PRIM2: variants seen among roughly 807,000 people sequenced by gnomAD.
PRIM2 encodes the protein DNA primase large subunit.
A neutral mutation model predicts 67.3 loss-of-function variants in PRIM2; 39 were observed. The ratio of observed to expected loss-of-function variants is 0.58; its 90% CI spans 0.45 to 0.76. The LOEUF (loss-of-function observed/expected upper bound fraction) is 0.76, where lower values mean the gene tolerates loss of function less well. Ranked by LOEUF, PRIM2 falls within the 30% of genes least tolerant of loss-of-function variation. The pLI is 0.00. For synonymous variants in PRIM2, 143 were observed against 198.7 expected, an observed-to-expected ratio of 0.72 and a Z score of 2.36; for missense variants, 398 against 598.7, an observed-to-expected ratio of 0.66 and a Z score of 3.50.
the PRIM2 span, among the ~76,000 whole-genome samples, chr6:57,245,449 G>A: frequency 2.6e-5 from 4 of 152,108 alleles, no homozygotes; most frequent in African/African-American, 4.8e-5. Flanking sequence ...CAGTAAACTC[G>A]CAAGGTAGCC....
chr6:57,598,274 C>G (rs1390750534), intron 10 of PRIM2, among the ~76,000 whole-genome samples: 10 of 152,166 alleles, frequency 6.6e-5, no homozygotes, highest in Non-Finnish European at 1.3e-4. Context: ...ATAAAAGTGG[C>G]AACGTTTGTC....
At chr6:57,365,992 G>A (rs7760100) in intron 5 of PRIM2, among the ~76,000 whole-genome samples, 4,922 of 146,860 alleles carry the variant, frequency 0.034, 295 homozygotes, top group African/African-American at 0.12. Flanking sequence ...GAATATAATC[G>A]TTATGACACA....
At position 57,600,904 on chromosome 6, in the gene PRIM2, T is replaced by A. The variant is rs1269283603; in HGVS notation, c.1021-189T>A. On this transcript the variant is annotated intron_variant, in intron 10 of 13. Coordinates refer to ENST00000615550, the MANE Select transcript of PRIM2 (RefSeq NM_000947.5). ...TTTCTGTAAGTTTTGTACCTTTTTT[T>A]AAAAAAGAAATTATTTGTATCATAA... Among the ~76,000 whole-genome samples the A allele has an allele frequency of 1.4e-3, 218 of 152,280 alleles. 5 individuals carry two copies. In the East Asian group the frequency reaches 0.019, roughly 13 times the overall value.
intron 7 of PRIM2, among the ~76,000 whole-genome samples, chr6:57,395,293 G>T (rs979252254): frequency 2.0e-5 from 3 of 152,080 alleles, no homozygotes; most frequent in Non-Finnish European, 4.4e-5. Flanking sequence ...TCTGGTCCTG[G>T]ACTTTTTGTT....
At chr6:57,410,094 G>C (rs12181316) in intron 7 of PRIM2, among the ~76,000 whole-genome samples, 1 of 152,006 alleles carries the variant, frequency 6.6e-6, no homozygotes, top group African/African-American at 2.4e-5. Flanking sequence ...CCAGGTGGGT[G>C]GATCACATGA....
chr6:57,251,012 G>A, the PRIM2 span, among the ~76,000 whole-genome samples: 3 of 152,100 alleles, frequency 2.0e-5, no homozygotes, highest in African/African-American at 4.8e-5. Context: ...CTTGTCCCAA[G>A]CATTTCAAAT....
At chr6:57,454,384 C>G (rs1161287750) in intron 7 of PRIM2, among the ~76,000 whole-genome samples, 1 of 152,154 alleles carries the variant, frequency 6.6e-6, no homozygotes, top group African/African-American at 2.4e-5. Context: ...TCTTGTACCT[C>G]TGGTAGAATT....
the PRIM2 span, among the ~76,000 whole-genome samples, chr6:57,277,793 A>G: frequency 7.2e-5 from 11 of 151,870 alleles, no homozygotes; most frequent in Admixed American, 4.6e-4. Context: ...ATCCTGGCTA[A>G]CATGGTGAAA....
chr6:57,391,897 T>C (rs1263807881), intron 7 of PRIM2, among the ~76,000 whole-genome samples: 2 of 152,102 alleles, frequency 1.3e-5, no homozygotes, highest in African/African-American at 4.8e-5. Flanking sequence ...ATTTATTTTT[T>C]AGTTCTGTGA....
chr6:57,249,568 C>T, the PRIM2 span, among the ~76,000 whole-genome samples: 1 of 151,742 alleles, frequency 6.6e-6, no homozygotes, highest in Admixed American at 6.6e-5. Flanking sequence ...ATGGTGAAAC[C>T]CCTTCTCTAC....
chr6:57,491,086 G>C (rs1773878343), intron 7 of PRIM2, among the ~76,000 whole-genome samples: 1 of 152,058 alleles, frequency 6.6e-6, no homozygotes, highest in Non-Finnish European at 1.5e-5. Flanking sequence ...ACATTCAAAG[G>C]GCTAAAAGAG....
upstream of PRIM2, among the ~76,000 whole-genome samples, chr6:57,310,211 C>T (rs374466868): frequency 1.8e-4 from 27 of 152,356 alleles, no homozygotes; most frequent in African/African-American, 6.5e-4. Flanking sequence ...CATCACTGGT[C>T]ATCAGAGAAA....
chr6:57,452,091 G>A (rs1772573225), intron 7 of PRIM2, among the ~76,000 whole-genome samples: 1 of 152,034 alleles, frequency 6.6e-6, no homozygotes, highest in African/African-American at 2.4e-5. Flanking sequence ...CTTCATCCAT[G>A]TCCCTACAAA....
chr6:57,235,075 CT>C, the PRIM2 span, among the ~76,000 whole-genome samples: 1 of 152,024 alleles, frequency 6.6e-6, no homozygotes, highest in African/African-American at 2.4e-5. Flanking sequence ...CACTTAAGCC[CT>C]GGAGGTCAAG....
At chr6:57,600,094 T>G (rs1776434023) in intron 10 of PRIM2, among the ~76,000 whole-genome samples, 1 of 152,202 alleles carries the variant, frequency 6.6e-6, no homozygotes, top group South Asian at 2.1e-4. Context: ...GGAGTTGTGA[T>G]TATCTAAATG....
chr6:57,471,082 G>T (rs1411647749), intron 7 of PRIM2, among the ~76,000 whole-genome samples: 3 of 151,500 alleles, frequency 2.0e-5, no homozygotes, highest in Non-Finnish European at 4.4e-5. Flanking sequence ...AGATATTAGG[G>T]ATACTTATTT....
intron 7 of PRIM2, among the ~76,000 whole-genome samples, chr6:57,475,492 C>G (rs1353670260): frequency 6.6e-6 from 1 of 151,954 alleles, no homozygotes; most frequent in African/African-American, 2.4e-5. Flanking sequence ...TCAGGTAGCA[C>G]GTTTTTAAGG....
intron 5 of PRIM2, among the ~76,000 whole-genome samples, chr6:57,343,580 G>GAGTTAGGTCAAGGAGAGAGT (rs1768569863): frequency 1.3e-5 from 2 of 152,100 alleles, no homozygotes; most frequent in Admixed American, 6.6e-5. Context: ...TGTTTGATAA[G>GAGTTAGGTCAAGGAGAGAGT]CCTGGAAGCT....
the PRIM2 span, among the ~76,000 whole-genome samples, chr6:57,265,035 GTT>G: frequency 6.6e-6 from 1 of 152,166 alleles, no homozygotes; most frequent in African/African-American, 2.4e-5. Context: ...TGATAGGATT[GTT>G]ATGAGGGTCA....
Sources: allele counts gnomAD v4.1 joint callset (sites outside exome capture counted in the v4.1 genomes callset), GRCh38; gene constraint gnomAD v4.1.1; transcripts MANE v1.5; gene names NCBI Gene and HGNC (gene_info 2026-07-23, HGNC 2026-07-21).